Variants in GNG7 observed in about 807,000 individuals in gnomAD.
GNG7 encodes G protein subunit gamma 7, also known as guanine nucleotide-binding protein G(I)/G(S)/G(O) subunit gamma-7.
In GNG7, 1 loss-of-function variant was observed where a neutral mutation model predicts 4.0. The observed-to-expected ratio is 0.25, with a 90% confidence interval of 0.09 to 1.18. The LOEUF (loss-of-function observed/expected upper bound fraction) is 1.18. GNG7 is among the 50% of genes most tolerant of loss of function. GNG7 has a pLI of 0.50. For synonymous variants in GNG7, 34 were observed against 36.9 expected (o/e 0.92, Z 0.29); for missense variants, 86 against 91.9 (o/e 0.94, Z 0.26).
At chr19:2,600,236 C>T (rs1009658412) in intron 2 of GNG7, among the ~76,000 whole-genome samples, 1 of 149,662 alleles carries the variant, frequency 6.7e-6, no homozygotes, top group Admixed American at 6.7e-5. Context: ...GAGGATGACA[C>T]GTTTAAGTGA....
chr19:2,512,260 C>G lies in GNG7; in HGVS notation c.*2762G>C, dbSNP rs16991186. The stretch of plus-strand genomic sequence containing the variant: ...AACATGCGTTCACCCCAGGGATTCC[C>G]GGCAGAAAAGCACATGTGGCGGTCG... On this transcript the variant is annotated 3_prime_UTR_variant, in exon 5 of 5. Transcript: ENST00000382159. This position sits in a 1 kb window ranked among gnomAD's most constrained non-coding sequence, Gnocchi z 4.7. 4.0e-3 allele frequency: 3,911 copies of G among 985,846 alleles called. 96 individuals carry two copies. In the African/African-American group the frequency reaches 0.064, roughly 16 times the overall value. 61.1% of individuals were successfully genotyped at this position (985,846 alleles called of 1,614,324 possible). A position where few individuals can be genotyped will look rare whatever the true frequency, so the allele number is the denominator to read the frequency against.
intron 4 of GNG7, among the ~76,000 whole-genome samples, chr19:2,520,105 C>G (rs531983616): frequency 6.6e-6 from 1 of 152,154 alleles, no homozygotes; most frequent in Non-Finnish European, 1.5e-5. Context: ...TGCTTGAACC[C>G]GGGAGGCAGA....
chr19:2,517,654 C>T (rs1414144280), intron 4 of GNG7, among the ~76,000 whole-genome samples: 3 of 152,234 alleles, frequency 2.0e-5, no homozygotes, highest in South Asian at 2.1e-4. Context: ...CATGAGCCAC[C>T]GTGCCTGGCC....
At chr19:2,696,726 G>A (rs1221219871) in intron 1 of GNG7, among the ~76,000 whole-genome samples, 3 of 152,258 alleles carry the variant, frequency 2.0e-5, no homozygotes, top group African/African-American at 7.2e-5. Flanking sequence ...GCCACACAGT[G>A]TGTGACCCAT....
At chr19:2,631,712 G>A (rs1485435020) in intron 2 of GNG7, among the ~76,000 whole-genome samples, 2 of 152,210 alleles carry the variant, frequency 1.3e-5, no homozygotes, top group Admixed American at 1.3e-4. Flanking sequence ...ACAGGAAGTG[G>A]AGGGCCAGAC....
At chr19:2,615,615 A>G (rs1339984499) in intron 2 of GNG7, among the ~76,000 whole-genome samples, 3 of 150,942 alleles carry the variant, frequency 2.0e-5, no homozygotes, top group Non-Finnish European at 3.0e-5. Flanking sequence ...GGCACCCACC[A>G]CCACGCCTGG....
rs116728368 is a variant in GNG7 at position 2,699,948 on chromosome 19, G to A, written c.-135+2698C>T. ...ACCCAGGCAGCCTTCTCTTGAACAGGTGCATCTGTTACTTAACGAGCTTTG... is the reference window on the plus strand; with the variant it reads ...ACCCAGGCAGCCTTCTCTTGAACAGATGCATCTGTTACTTAACGAGCTTTG... On this transcript the variant is annotated intron_variant, in intron 1 of 4. Transcript: ENST00000382159. Among the ~76,000 whole-genome samples the A allele has an allele frequency of 5.4e-3, 818 of 152,246 alleles. 10 individuals carry two copies. Among genetic ancestry groups the A allele is most frequent in the African/African-American group, 0.019 (774 of 41,546 alleles).
At chr19:2,679,408 C>G (rs531917601) in intron 1 of GNG7, among the ~76,000 whole-genome samples, 6 of 152,228 alleles carry the variant, frequency 3.9e-5, no homozygotes, top group Admixed American at 1.3e-4. Flanking sequence ...CCAGCAATAA[C>G]AGTGATAACC....
Position 2,552,088 on chromosome 19 carries a change from A to G in GNG7, c.-38+3061T>C, listed in dbSNP as rs6510685. On this transcript the variant is annotated intron_variant, in intron 3 of 4. Coordinates refer to ENST00000382159, the MANE Select transcript of GNG7 (RefSeq NM_052847.3). ...AGATTCTCATAGAAGCGTGAACCCA[A>G]TTGTGAACTGTGCATGTAAGGGATC... Among the ~76,000 whole-genome samples the G allele has an allele frequency of 6.3e-3, 964 of 152,208 alleles. 13 individuals carry two copies. Among genetic ancestry groups the G allele is most frequent in the African/African-American group, 0.022 (909 of 41,566 alleles).
chr19:2,684,784 T>C (rs1046072595), intron 1 of GNG7, among the ~76,000 whole-genome samples: 2 of 151,300 alleles, frequency 1.3e-5, no homozygotes, highest in African/African-American at 4.9e-5. Flanking sequence ...AGGTCAGGAG[T>C]TCACGACCAG....
intron 1 of GNG7, 106 bp downstream of exon 1, chr19:2,702,540 C>T (rs1913433347): frequency 6.6e-6 from 1 of 152,160 alleles, no homozygotes; most frequent in Non-Finnish European, 1.5e-5. Flanking sequence ...TCAGCCGACT[C>T]CGACCCCCAA....
At chr19:2,628,140 G>A (rs1339488342) in intron 2 of GNG7, among the ~76,000 whole-genome samples, 1 of 152,210 alleles carries the variant, frequency 6.6e-6, no homozygotes, top group African/African-American at 2.4e-5. Flanking sequence ...CTACTGCTGA[G>A]TAACAACAGC....
Position 2,563,005 on chromosome 19 carries a change from C to T in GNG7, c.-77-7817G>A, listed in dbSNP as rs560030198. On this transcript the variant is annotated intron_variant, in intron 2 of 4. Transcript: ENST00000382159. ...TGTCGCCCAGGCTGGAGTGCAGTGG[C>T]GTGATCTCGGCTCACTGCAAGCTCC... 1.4e-4 allele frequency among the ~76,000 whole-genome samples: 22 copies of T among 152,020 alleles called. No homozygotes were observed. The East Asian group carries it at 3.1e-3, about 21-fold the overall frequency.
rs978628722 is a variant in GNG7 at position 2,614,808 on chromosome 19, G to A, written c.-78+31416C>T. On this transcript the variant is annotated intron_variant, in intron 2 of 4. Transcript: ENST00000382159. This position sits in a 1 kb window ranked among gnomAD's most constrained non-coding sequence, Gnocchi z 6.0. ...TTCCTCTGGGCAGATAACTAGGAGC[G>A]GAATTGCTGGGTCATGTGGCGACTC... 1.3e-5 allele frequency among the ~76,000 whole-genome samples: 2 copies of A among 152,182 alleles called. No individual in the cohort carries two copies. Among genetic ancestry groups the A allele is most frequent in the African/African-American group, 4.8e-5 (2 of 41,444 alleles).
intron 2 of GNG7, among the ~76,000 whole-genome samples, chr19:2,562,355 C>T (rs1979770011): frequency 6.6e-6 from 1 of 151,852 alleles, no homozygotes; most frequent in African/African-American, 2.4e-5. Context: ...GCGATCTCGG[C>T]TCACTGCAAC....
rs182572162 is a variant in GNG7, at chr19:2,591,491, G to C, written c.-77-36303C>G. ...TTTTTTTTTTAAGGGAGAGATTATA[G>C]GGGACTGAGTGTGTGGCCTTGAGTT... On this transcript the variant is annotated intron_variant, in intron 2 of 4. Transcript: ENST00000382159. 2.0e-5 allele frequency among the ~76,000 whole-genome samples: 3 copies of C among 147,996 alleles called. No individual in the cohort carries two copies. In the East Asian group the frequency reaches 5.9e-4, roughly 29 times the overall value.
chr19:2,526,814 G>T (rs2392646), intron 3 of GNG7, among the ~76,000 whole-genome samples: 119,567 of 150,392 alleles, frequency 0.8, 47,755 homozygotes, highest in African/African-American at 0.87. Context: ...TATAGTTATA[G>T]AATCTGTTAT....
intron 2 of GNG7, among the ~76,000 whole-genome samples, chr19:2,621,063 C>G (rs977108571): frequency 1.3e-5 from 2 of 152,082 alleles, no homozygotes; most frequent in Non-Finnish European, 2.9e-5. Context: ...CTTAGCACAG[C>G]GCCTTCCTCC....
intron 2 of GNG7, among the ~76,000 whole-genome samples, chr19:2,603,692 A>G (rs148550675): frequency 0.011 from 1,672 of 152,252 alleles, 15 homozygotes; most frequent in Non-Finnish European, 0.017. Flanking sequence ...AGCTAGGAGG[A>G]TCATTTCAGT....
Sources: allele counts gnomAD v4.1 joint callset (sites outside exome capture counted in the v4.1 genomes callset), GRCh38; gene constraint gnomAD v4.1.1; non-coding constraint Gnocchi (gnomAD v3.1); transcripts MANE v1.5; gene names NCBI Gene and HGNC (gene_info 2026-07-23, HGNC 2026-07-21).